The following EVI5 variants were observed in gnomAD, a reference collection of about 807,000 sequenced individuals.
EVI5 encodes the protein ecotropic viral integration site 5 protein homolog.
In EVI5, 73 loss-of-function variants were observed where a neutral mutation model predicts 112.0. The ratio of observed to expected loss-of-function variants is 0.65; its 90% CI spans 0.54 to 0.79. The LOEUF is 0.79. Ranked by LOEUF, EVI5 falls within the 30% of genes least tolerant of loss-of-function variation. The pLI, the probability that EVI5 is intolerant of heterozygous loss-of-function variation, is 0.00. For missense variants in EVI5, 900 were observed against 968.8 expected (o/e 0.93, Z 0.94); for synonymous variants, 305 against 319.9 (o/e 0.95, Z 0.50).
At chr1:92,760,403 G>A (rs146653217) in intron 1 of EVI5, among the ~76,000 whole-genome samples, 5 of 152,080 alleles carry the variant, frequency 3.3e-5, no homozygotes, top group Non-Finnish European at 7.4e-5. Context: ...CCCTAATGAC[G>A]AGCACAGCAG....
intron 14 of EVI5, among the ~76,000 whole-genome samples, chr1:92,630,113 T>C (rs1480640688): frequency 1.3e-5 from 2 of 152,236 alleles, no homozygotes; most frequent in Non-Finnish European, 2.9e-5. Flanking sequence ...TTGTGAATAG[T>C]GCCACAAGAA....
intron 1 of EVI5, among the ~76,000 whole-genome samples, chr1:92,761,515 A>G (rs1348588082): frequency 6.6e-6 from 1 of 152,228 alleles, no homozygotes; most frequent in Non-Finnish European, 1.5e-5. Flanking sequence ...TTGTATCTGC[A>G]TACATCGTTA....
At chr1:92,523,512 A>G (rs1661315896) in intron 19 of EVI5, among the ~76,000 whole-genome samples, 1 of 152,174 alleles carries the variant, frequency 6.6e-6, no homozygotes, top group African/African-American at 2.4e-5. Context: ...CGGGTATATA[A>G]AGTAAGTAAA....
intron 18 of EVI5, among the ~76,000 whole-genome samples, chr1:92,603,037 A>G (rs1214638688): frequency 6.6e-6 from 1 of 152,222 alleles, no homozygotes; most frequent in Non-Finnish European, 1.5e-5. Flanking sequence ...TAAGCAAAGG[A>G]CCTGAATAGC....
At chr1:92,582,600 T>C (rs1405751615) in intron 18 of EVI5, among the ~76,000 whole-genome samples, 2 of 152,044 alleles carry the variant, frequency 1.3e-5, no homozygotes, top group African/African-American at 4.8e-5. Context: ...TAGAACTAAC[T>C]GGTGAAGGAG....
At chr1:92,547,516 G>A (rs186709666) in intron 19 of EVI5, among the ~76,000 whole-genome samples, 28 of 152,250 alleles carry the variant, frequency 1.8e-4, no homozygotes, top group Admixed American at 1.2e-3. Flanking sequence ...AACTGAAGGA[G>A]ATAGAGACAC....
In EVI5 at chr1:92,636,314, T is replaced by C; in HGVS notation, c.1415A>G (p.Asn472Ser). 3 of 1,613,894 alleles carry C rather than the reference T, an allele frequency of 1.9e-6. 1 individual carries two copies. Among genetic ancestry groups the C allele is most frequent in the African/African-American group, 2.7e-5 (2 of 75,066 alleles). The change falls in exon 14 of 20, where the codon AAC becomes AGC. Residue 472 changes from asparagine to serine, a missense_variant. Transcript: ENST00000684568. ...QQWHKCSSNY[N>S]EDFVLQLEKE... ...CTCTAGCTGTAGCACAAAATCTTCG[T>C]TGTAGTTGGAACTGCATTTATGCTA...
chr1:92,776,176 A>G (rs765029514), intron 1 of EVI5, among the ~76,000 whole-genome samples: 24 of 152,142 alleles, frequency 1.6e-4, no homozygotes, highest in Non-Finnish European at 2.9e-5. Context: ...TTTTTGCCAA[A>G]TATTAGAAGG....
At chr1:92,619,470 T>A (rs1457126875) in intron 16 of EVI5, among the ~76,000 whole-genome samples, 2 of 151,066 alleles carry the variant, frequency 1.3e-5, no homozygotes, top group Non-Finnish European at 2.9e-5. Context: ...ATATATCCTA[T>A]TAGTTCTGCC....
chr1:92,680,769 A>G (rs1457862693), intron 9 of EVI5, among the ~76,000 whole-genome samples: 3 of 152,218 alleles, frequency 2.0e-5, no homozygotes, highest in African/African-American at 2.4e-5. Context: ...AGAAGATATA[A>G]TATCAGGGGT....
At chr1:92,763,918 C>T (rs1245233051) in intron 1 of EVI5, among the ~76,000 whole-genome samples, 4 of 151,920 alleles carry the variant, frequency 2.6e-5, no homozygotes, top group Non-Finnish European at 5.9e-5. Context: ...AAAAAGCATC[C>T]AATGGCTACC....
At chr1:92,627,102 G>A (rs1655844435) in intron 14 of EVI5, among the ~76,000 whole-genome samples, 1 of 152,130 alleles carries the variant, frequency 6.6e-6, no homozygotes, top group Non-Finnish European at 1.5e-5. Flanking sequence ...AGATTTTGGT[G>A]TACCCATCAC....
chr1:92,519,456 A>T (rs1002881894), intron 19 of EVI5, among the ~76,000 whole-genome samples: 1 of 152,218 alleles, frequency 6.6e-6, no homozygotes, highest in Non-Finnish European at 1.5e-5. Flanking sequence ...ATAAAAGAAC[A>T]CACCAAGCAA....
At chr1:92,743,769 G>C (rs1347956383) in intron 1 of EVI5, among the ~76,000 whole-genome samples, 1 of 152,076 alleles carries the variant, frequency 6.6e-6, no homozygotes, top group Non-Finnish European at 1.5e-5. Context: ...ACCCTGGCTA[G>C]AGGTCCGTCA....
intron 2 of EVI5, among the ~76,000 whole-genome samples, chr1:92,705,191 CTCTTT>C (rs1041926298): frequency 4.3e-4 from 66 of 152,306 alleles, no homozygotes; most frequent in Non-Finnish European, 8.1e-4. Context: ...CAAATCACTT[CTCTTT>C]TTTCATTTTG....
At chr1:92,565,194 T>C (rs1398207838) in intron 18 of EVI5, among the ~76,000 whole-genome samples, 3 of 152,170 alleles carry the variant, frequency 2.0e-5, no homozygotes, top group East Asian at 3.8e-4. Context: ...AGACAACAAT[T>C]GTTAACAGTT....
In EVI5 at chr1:92,573,748, C is replaced by T. The variant is rs934956585; in HGVS notation, c.2071-10011G>A. Among the ~76,000 whole-genome samples, 9 of 152,080 alleles carry T rather than the reference C, an allele frequency of 5.9e-5. 1 individual carries two copies. The highest frequency in any genetic ancestry group is 3.9e-4 in the Admixed American group (6 of 15,264). ...GTTGGTTCAATTTTGAACTCAAATC[C>T]CCTTCTTGGTTAACCCAGCTCTCAA... On this transcript the variant is annotated intron_variant, in intron 18 of 19. Transcript: ENST00000684568.
chr1:92,578,467 G>A (rs1272532412), intron 18 of EVI5, among the ~76,000 whole-genome samples: 1 of 152,098 alleles, frequency 6.6e-6, no homozygotes, highest in Non-Finnish European at 1.5e-5. Context: ...TGTAATCTCA[G>A]CACTATGGGA....
intron 13 of EVI5, among the ~76,000 whole-genome samples, chr1:92,646,618 T>A (rs1352211911): frequency 6.6e-6 from 1 of 152,224 alleles, no homozygotes; most frequent in Non-Finnish European, 1.5e-5. Context: ...GTCTTGGTTG[T>A]TTTGTTCTTT....
Sources: gnomAD v4.1 joint callset for allele counts (sites outside exome capture counted in the v4.1 genomes callset) on GRCh38, gnomAD v4.1.1 for gene constraint, MANE v1.5 for transcripts, NCBI Gene and HGNC (gene_info 2026-07-23, HGNC 2026-07-21) for gene names.